Variants in C9orf78 observed in about 807,000 individuals in gnomAD.
The protein encoded by C9orf78 is splicing factor C9orf78.
C9orf78 carries 19 observed loss-of-function variants against 37.4 expected under a neutral mutation model. That is an observed-to-expected ratio of 0.51 (90% CI 0.35 to 0.74). C9orf78 has a LOEUF of 0.74. C9orf78 is among the 30% of genes least tolerant of loss of function. C9orf78 has a pLI of 0.01. For synonymous variants in C9orf78, 130 were observed against 128.0 expected, an observed-to-expected ratio of 1.02 and a Z score of -0.10; for missense variants, 291 against 370.8, an observed-to-expected ratio of 0.78 and a Z score of 1.77.
At chr9:129,830,850 G>A in intron 6 of C9orf78, 21 bp downstream of exon 6, 1 of 1,561,854 alleles carries the variant, frequency 6.4e-7, no homozygotes, top group Non-Finnish European at 8.8e-7. Flanking sequence ...TGTGTCTTCT[G>A]CCTAGGGGTC....
intron 2 of C9orf78, 64 bp downstream of exon 2, chr9:129,834,643 C>A: frequency 8.6e-7 from 1 of 1,163,702 alleles, no homozygotes. Flanking sequence ...TTTGTGACAG[C>A]GACCCGGACG....
chr9:129,832,225 T>C (rs1588224145), intron 4 of C9orf78, among the ~76,000 whole-genome samples: 1 of 152,286 alleles, frequency 6.6e-6, no homozygotes, highest in East Asian at 1.9e-4. Flanking sequence ...GGGGGATTGG[T>C]TCTAGTGTCC....
rs756134527 is a variant in C9orf78 at position 129,835,206 on chromosome 9, T to C, written c.16A>G (p.Lys6Glu). ...TCGCCCCGGCGGCGACGGAAAATCT[T>C]CCGGACGACCGGCATGGTGACAACG... MPVVR[K>E]IFRRRRGDSE... Residue 6 changes from lysine (K) to glutamate (E), a missense_variant, in exon 1 of 9, where the codon AAG becomes GAG. Lys to Glu is a moderately conservative substitution (Grantham distance 56). This residue lies in a region of C9orf78 where 158 missense variants were observed against 174.8 expected (regional missense o/e 0.90). Transcript: ENST00000372447. 1 of 1,610,092 alleles carries C rather than the reference T, an allele frequency of 6.2e-7. No individual in the cohort carries two copies. The highest frequency in any genetic ancestry group is 8.5e-7 in the Non-Finnish European group (1 of 1,178,872).
At chr9:129,829,606 G>A (rs2031439911) in intron 6 of C9orf78, 65 bp from the exon 7 acceptor site, 1 of 1,480,968 alleles carries the variant, frequency 6.8e-7, no homozygotes, top group East Asian at 2.3e-5. Flanking sequence ...GACATGAGTG[G>A]TGAGGCTGGC....
intron 8 of C9orf78, chr9:129,828,738 T>A (rs2031410447): frequency 1.2e-5 from 3 of 245,952 alleles, no homozygotes; most frequent in Admixed American, 1.0e-4. Context: ...CTTTTTCTTT[T>A]CTTTAAAAAA....
chr9:129,831,743 G>C (rs2031502873), intron 5 of C9orf78, 153 bp downstream of exon 5: 4 of 650,744 alleles, frequency 6.1e-6, no homozygotes, highest in Non-Finnish European at 1.1e-5. Context: ...CTTTTAAGAG[G>C]TTTTCAAAGT....
In C9orf78 at chr9:129,828,205, C is replaced by A; in HGVS notation, c.826G>T (p.Asp276Tyr). The A allele has an allele frequency of 6.2e-7, 1 of 1,608,078 alleles. No individual in the cohort carries two copies. Among genetic ancestry groups the A allele is most frequent in the South Asian group, 1.1e-5 (1 of 90,954 alleles). ...TTCTTGAACTTCTCATAATGATAGT[C>A]ATCAGTTGCCTTCTCGTTAGCAGGA... The part of the protein sequence containing the change: ...KRPANEKATD[D>Y]YHYEKFKKMN... Residue 276 changes from aspartate to tyrosine, a missense_variant, in exon 9 of 9, where the codon GAC (aspartate) becomes TAC (tyrosine). By Grantham distance (160) the Asp-to-Tyr change is radical. Around this residue, in one of 3 missense-constraint regions of C9orf78, gnomAD observed 120 missense variants for 148.7 expected, o/e 0.81. Transcript: ENST00000372447.
intron 4 of C9orf78, 83 bp downstream of exon 4, chr9:129,833,364 C>G: frequency 1.3e-6 from 1 of 772,472 alleles, no homozygotes; most frequent in Non-Finnish European, 2.3e-6. Flanking sequence ...AATGCTGCTG[C>G]TACAGGCCCC....
chr9:129,829,146 C>T (rs7047271), intron 8 of C9orf78, 59 bp downstream of exon 8: 272,807 of 1,225,914 alleles, frequency 0.22, 30,736 homozygotes, highest in South Asian at 0.25. Context: ...CATCCTGCCT[C>T]CATGGGTTCC....
Position 129,831,009 on chromosome 9 carries a change from T to G in C9orf78, c.404A>C (p.Gln135Pro), listed in dbSNP as rs1258991304. 1.2e-6 allele frequency: 2 copies of G among 1,613,480 alleles called. No individual in the cohort carries two copies. Among genetic ancestry groups the G allele is most frequent in the African/African-American group, 1.3e-5 (1 of 74,920 alleles). The change falls in exon 6 of 9, where the codon CAG becomes CCG. Residue 135 changes from glutamine to proline, a missense_variant. Gln to Pro is a moderately conservative substitution (Grantham distance 76). This residue lies in a region of C9orf78 where 158 missense variants were observed against 174.8 expected (regional missense o/e 0.90). Transcript: ENST00000372447. The stretch of plus-strand genomic sequence containing the variant: ...CTCTGCATTCTTTGGCTTAACTTTC[T>G]GTTCCTCATGTTCCACGATCCCTTT... ...KRKGIVEHEEQKVKPKNAEDC... is the reference protein window; with the variant it reads ...KRKGIVEHEEPKVKPKNAEDC...
chr9:129,831,689 G>A (rs2031500414), intron 5 of C9orf78: 1 of 517,828 alleles, frequency 1.9e-6, no homozygotes, highest in African/African-American at 1.9e-5. Flanking sequence ...CTCCCAAAGT[G>A]CTGGGACTAC....
Position 129,827,350 on chromosome 9 carries a change from T to G in C9orf78, c.*811A>C, listed in dbSNP as rs1238987563. On this transcript the variant is annotated 3_prime_UTR_variant, in exon 9 of 9. Coordinates refer to ENST00000372447, the MANE Select transcript of C9orf78 (RefSeq NM_016520.3). ...AATAAGAAACATAGTTTATGCTTTTTTTTTAATGAAAACAAACAAGTAATT... is the reference window on the plus strand; with the variant it reads ...AATAAGAAACATAGTTTATGCTTTTGTTTTAATGAAAACAAACAAGTAATT... The G allele has an allele frequency of 6.6e-6, 1 of 152,222 alleles. No individual in the cohort carries two copies. The highest frequency in any genetic ancestry group is 2.4e-5 in the African/African-American group (1 of 41,446). 9.4% of individuals were successfully genotyped at this position (152,222 alleles called of 1,614,324 possible).
chr9:129,828,882 C>A (rs1274820239), intron 8 of C9orf78: 4 of 411,318 alleles, frequency 9.7e-6, no homozygotes, highest in South Asian at 6.3e-5. Flanking sequence ...AAGTGTGAGG[C>A]ACTGCACCCA....
Position 129,828,237 on chromosome 9 carries a change from C to T in C9orf78, c.794G>A (p.Arg265His), listed in dbSNP as rs1431971539. ...KPEPERSPPN[R>H]KRPANEKATD... Reference sequence around the variant, plus strand: ...TGCCTTCTCGTTAGCAGGACGCTTGCGGTTAGGAGGGGACCCTGAGAAGGA... The same window carrying T: ...TGCCTTCTCGTTAGCAGGACGCTTGTGGTTAGGAGGGGACCCTGAGAAGGA... Residue 265 changes from arginine to histidine, a missense_variant, in exon 9 of 9, where the codon CGC becomes CAC. Physicochemically the swap from Arg to His is conservative, Grantham distance 29. Around this residue, in one of 3 missense-constraint regions of C9orf78, gnomAD observed 120 missense variants for 148.7 expected, o/e 0.81. Coordinates refer to ENST00000372447, the MANE Select transcript of C9orf78 (RefSeq NM_016520.3). 1.0e-5 allele frequency: 16 copies of T among 1,601,252 alleles called. No individual in the cohort carries two copies. Among genetic ancestry groups the T allele is most frequent in the Non-Finnish European group, 1.3e-5 (15 of 1,169,838 alleles).
chr9:129,828,024 C>T lies in C9orf78; in HGVS notation c.*137G>A. ...GTCAGGCTGGTCTCAAACTCCCGAC[C>T]TCAGGTGATCCGCCCACCTCGGCCT... is the stretch of plus-strand genomic sequence containing the variant. On this transcript the variant is annotated 3_prime_UTR_variant, in exon 9 of 9. Transcript: ENST00000372447. The T allele has an allele frequency of 1.9e-6, 1 of 528,810 alleles. No homozygotes were observed. Among genetic ancestry groups the T allele is most frequent in the South Asian group, 1.6e-5 (1 of 60,636 alleles). 32.8% of individuals were successfully genotyped at this position (528,810 alleles called of 1,614,324 possible). A position where few individuals can be genotyped will look rare whatever the true frequency, so the allele number is the denominator to read the frequency against.
Position 129,827,628 on chromosome 9 carries a change from C to T in C9orf78, c.*533G>A, listed in dbSNP as rs2031370288. On this transcript the variant is annotated 3_prime_UTR_variant, in exon 9 of 9. Coordinates refer to ENST00000372447, the MANE Select transcript of C9orf78 (RefSeq NM_016520.3). ...AATGCTCACAAGAATAGAGTTTGCC[C>T]CCAAATGGAAAATTACACATTATTT... is the stretch of plus-strand genomic sequence containing the variant. 1 of 152,128 alleles carries T rather than the reference C, an allele frequency of 6.6e-6. No individual in the cohort carries two copies. Among genetic ancestry groups the T allele is most frequent in the African/African-American group, 2.4e-5 (1 of 41,348 alleles). 9.4% of individuals were successfully genotyped at this position (152,128 alleles called of 1,614,324 possible). A position where few individuals can be genotyped will look rare whatever the true frequency, so the allele number is the denominator to read the frequency against.
intron 2 of C9orf78, 88 bp from the exon 3 acceptor site, chr9:129,833,797 TGCAACATTAGTGCAA>T: frequency 1.1e-6 from 1 of 913,920 alleles, no homozygotes; most frequent in Non-Finnish European, 1.7e-6. Context: ...GTATGCGGAT[TGCAACATTAGTGCAA>T]GGGTGGGATT....
chr9:129,831,427 A>G (rs1472209902), intron 5 of C9orf78: 2 of 264,350 alleles, frequency 7.6e-6, no homozygotes, highest in Non-Finnish European at 7.3e-6. Context: ...ACAAGTTTTT[A>G]TTTTTTATAT....
Position 129,831,034 on chromosome 9 carries a change from TC to T in C9orf78, c.378del (p.Ile129SerfsTer42), listed in dbSNP as rs751098777. 1.2e-6 allele frequency: 2 copies of T among 1,613,762 alleles called. No homozygotes were observed. Among genetic ancestry groups the T allele is most frequent in the Non-Finnish European group, 1.7e-6 (2 of 1,179,692 alleles). On this transcript the variant is annotated frameshift_variant, in exon 6 of 9. Coordinates refer to ENST00000372447, the MANE Select transcript of C9orf78 (RefSeq NM_016520.3). LOFTEE classifies it high-confidence loss of function. ...TGTTCCTCATGTTCCACGATCCCTTTCCTCTTCTTTAGCTCTGTCTCAATGT... is the reference window on the plus strand; with the variant it reads ...TGTTCCTCATGTTCCACGATCCCTTTCTCTTCTTTAGCTCTGTCTCAATGT... The part of the protein sequence containing the change: ...MKYIETELKK[R>X]KGIVEHEEQK...
Sources: gnomAD v4.1 joint callset for allele counts (sites outside exome capture counted in the v4.1 genomes callset) on GRCh38, gnomAD v4.1.1 for gene constraint, gnomAD v4.1.1 regional missense constraint, MANE v1.5 for transcripts, NCBI Gene and HGNC (gene_info 2026-07-23, HGNC 2026-07-21) for gene names.